SHQ1: variants seen among roughly 807,000 people sequenced by gnomAD.
The protein encoded by SHQ1 is SHQ1, H/ACA ribonucleoprotein assembly factor.
A neutral mutation model predicts 53.8 loss-of-function variants in SHQ1; 49 were observed. The ratio of observed to expected loss-of-function variants is 0.91; its 90% CI spans 0.72 to 1.16. SHQ1 has a LOEUF of 1.16. SHQ1 is among the 50% of genes most tolerant of loss of function. The probability of loss-of-function intolerance (pLI) is 0.00; values close to 1 mark genes in which losing one functional copy is unlikely to be tolerated. For synonymous variants in SHQ1, 243 were observed against 251.0 expected (o/e 0.97, Z 0.30); for missense variants, 738 against 683.1 (o/e 1.08, Z -0.90).
rs561062627 is a variant in SHQ1, at chr3:72,805,126, T to C, written c.1060+7545A>G. ...TAAACATATCTAAGCATAGAAAAGA[T>C]ACAGTATACTTCAGCTCTTTTCTGA... is the stretch of plus-strand genomic sequence containing the variant. On this transcript the variant is annotated intron_variant, in intron 9 of 10. Transcript: ENST00000325599. Among the ~76,000 whole-genome samples the C allele has an allele frequency of 9.9e-5, 15 of 152,192 alleles. 1 individual carries two copies. In the South Asian group the frequency reaches 2.9e-3, roughly 30 times the overall value.
chr3:72,785,523 G>C (rs1381443389), intron 10 of SHQ1, among the ~76,000 whole-genome samples: 6 of 152,146 alleles, frequency 3.9e-5, no homozygotes, highest in Non-Finnish European at 8.8e-5. Context: ...TAGAGAGATA[G>C]GATTTCTTAT....
chr3:72,787,767 G>C (rs748648560), intron 10 of SHQ1, among the ~76,000 whole-genome samples: 15 of 150,196 alleles, frequency 1.0e-4, no homozygotes, highest in Non-Finnish European at 2.1e-4. Flanking sequence ...GATGCCGAGC[G>C]GAGGCTGGAC....
chr3:72,823,954 T>G (rs1707565879), intron 6 of SHQ1, among the ~76,000 whole-genome samples: 1 of 152,220 alleles, frequency 6.6e-6, no homozygotes, highest in East Asian at 1.9e-4. Flanking sequence ...ATATTTCTAA[T>G]GTATAGTCTT....
rs114030458 is a variant in SHQ1, at chr3:72,835,028, T to C, written c.487-2547A>G. On this transcript the variant is annotated intron_variant, in intron 4 of 10. Coordinates refer to ENST00000325599, the MANE Select transcript of SHQ1 (RefSeq NM_018130.3). Reference sequence around the variant, plus strand: ...TTCTAGAGGTTCTAGGAGAGATTGTTTGTCCATACCATCTTAGAAGCTGTC... The same window carrying C: ...TTCTAGAGGTTCTAGGAGAGATTGTCTGTCCATACCATCTTAGAAGCTGTC... Among the ~76,000 whole-genome samples, 836 of 152,198 alleles carry C rather than the reference T, an allele frequency of 5.5e-3. 10 individuals carry two copies. Among genetic ancestry groups the C allele is most frequent in the African/African-American group, 0.019 (806 of 41,506 alleles).
chr3:72,796,174 CAA>C (rs1706614930), intron 9 of SHQ1, among the ~76,000 whole-genome samples: 1 of 142,770 alleles, frequency 7.0e-6, no homozygotes, highest in African/African-American at 2.6e-5. Context: ...TTGGCTAGAG[CAA>C]AGAGTTCATG....
Position 72,832,495 on chromosome 3 carries a change from G to A in SHQ1, c.487-14C>T. ...ACTCAGTTCATCCTGAGGACACCCA[G>A]AAAAGAAAGAATAATTGCTATCTCC... On this transcript the variant is annotated splice_polypyrimidine_tract_variant and intron_variant, in intron 4 of 10. Transcript: ENST00000325599. 6.5e-7 allele frequency: 1 copy of A among 1,535,696 alleles called. No homozygotes were observed. Among genetic ancestry groups the A allele is most frequent in the Non-Finnish European group, 8.9e-7 (1 of 1,127,386 alleles).
chr3:72,747,680 T>C (rs545088074), downstream of SHQ1, among the ~76,000 whole-genome samples: 2 of 152,224 alleles, frequency 1.3e-5, no homozygotes, highest in African/African-American at 4.8e-5. Context: ...AGCCCTCTTC[T>C]AGAACCATCT....
chr3:72,727,143 T>C, the SHQ1 span, among the ~76,000 whole-genome samples: 1 of 152,132 alleles, frequency 6.6e-6, no homozygotes, highest in African/African-American at 2.4e-5. Flanking sequence ...CGAAGGGCCA[T>C]GGAGGCGGGG....
chr3:72,766,156 G>A (rs1705723929), intron 10 of SHQ1, among the ~76,000 whole-genome samples: 1 of 152,064 alleles, frequency 6.6e-6, no homozygotes, highest in Non-Finnish European at 1.5e-5. Context: ...AGCCTAAACT[G>A]TGGGACCTAG....
chr3:72,793,099 T>C, intron 9 of SHQ1, 63 bp from the exon 10 acceptor site: 1 of 1,408,752 alleles, frequency 7.1e-7, no homozygotes, highest in Non-Finnish European at 9.8e-7. Context: ...CCCTGAGAGG[T>C]AATATATCTA....
At chr3:72,840,912 G>T in intron 4 of SHQ1, 133 bp downstream of exon 4, 1 of 1,028,864 alleles carries the variant, frequency 9.7e-7, no homozygotes, top group Non-Finnish European at 1.4e-6. Context: ...TACTTTAGCT[G>T]TGCTAAGTGC....
chr3:72,832,108 C>T (rs1222359001), intron 5 of SHQ1, among the ~76,000 whole-genome samples: 1 of 152,062 alleles, frequency 6.6e-6, no homozygotes, highest in Non-Finnish European at 1.5e-5. Context: ...ATTTTTAAGC[C>T]TGGCGAGAAA....
chr3:72,846,274 C>T (rs1256292821), intron 1 of SHQ1: 3 of 1,534,766 alleles, frequency 2.0e-6, no homozygotes, highest in East Asian at 2.4e-5. Flanking sequence ...TTTTATTCAT[C>T]CTTGGTATAG....
intron 8 of SHQ1, among the ~76,000 whole-genome samples, chr3:72,814,987 G>C (rs909918128): frequency 6.6e-6 from 1 of 152,054 alleles, no homozygotes; most frequent in Non-Finnish European, 1.5e-5. Context: ...TTTCGTGTGT[G>C]TGTGTGTGTT....
Position 72,750,831 on chromosome 3 carries a change from T to A in SHQ1, c.1187A>T (p.Lys396Ile), listed in dbSNP as rs866334289. ...YCVWIQKVKS[K>I]KLAALAEALK... is the part of the protein sequence containing the mutation. ...GGCTTCTGCAAGAGCTGCCAACTTTTTGGATCTTGAAAACATTTTAAAAAG... is the reference window on the plus strand; with the variant it reads ...GGCTTCTGCAAGAGCTGCCAACTTTATGGATCTTGAAAACATTTTAAAAAG... The change falls in exon 11 of 11, where the codon AAA becomes ATA. Residue 396 changes from lysine (K) to isoleucine (I), a missense_variant. Physicochemically the swap from Lys to Ile is moderately radical, Grantham distance 102. Coordinates refer to ENST00000325599, the MANE Select transcript of SHQ1 (RefSeq NM_018130.3). 5.3e-6 allele frequency: 8 copies of A among 1,508,472 alleles called. No homozygotes were observed. In the Middle Eastern group the frequency reaches 1.3e-3, roughly 252 times the overall value. The allele number at this position is 1,508,472 out of a possible 1,614,324, so 93.4% of individuals were successfully genotyped here.
chr3:72,787,534 T>A (rs530017374), intron 10 of SHQ1, among the ~76,000 whole-genome samples: 1 of 152,220 alleles, frequency 6.6e-6, no homozygotes, highest in Non-Finnish European at 1.5e-5. Context: ...AGTGAGCATA[T>A]ATGTACTCTT....
chr3:72,743,605 C>T, the SHQ1 span, among the ~76,000 whole-genome samples: 1 of 152,170 alleles, frequency 6.6e-6, no homozygotes, highest in African/African-American at 2.4e-5. Flanking sequence ...AAAGGCAACA[C>T]GGCCGATGCT....
rs75786244 is a variant in SHQ1, at chr3:72,781,526, T to C, written c.1181+11390A>G. Among the ~76,000 whole-genome samples the C allele has an allele frequency of 1.0e-3, 157 of 152,258 alleles. 3 individuals carry two copies. In the East Asian group the frequency reaches 0.026, roughly 25 times the overall value. On this transcript the variant is annotated intron_variant, in intron 10 of 10. Transcript: ENST00000325599. ...AATTTGACACTACAAATGCAGTTTT[T>C]CTCATTGTTTTGGTGCACCATTTTA...
At chr3:72,734,604 G>A in the SHQ1 span, among the ~76,000 whole-genome samples, 1 of 151,528 alleles carries the variant, frequency 6.6e-6, no homozygotes, top group Non-Finnish European at 1.5e-5. Context: ...TTTAGTATTT[G>A]ACATGAACAA....
Sources: gnomAD v4.1 joint callset for allele counts (sites outside exome capture counted in the v4.1 genomes callset) on GRCh38, gnomAD v4.1.1 for gene constraint, MANE v1.5 for transcripts, NCBI Gene and HGNC (gene_info 2026-07-23, HGNC 2026-07-21) for gene names.